TESC: variants seen among roughly 807,000 people sequenced by gnomAD.
The protein encoded by TESC is calcineurin B homologous protein 3.
Under a neutral mutation model 31.0 loss-of-function variants are expected in TESC, and 19 were observed. The observed-to-expected ratio is 0.61, with a 90% CI of 0.43 to 0.90. The LOEUF (loss-of-function observed/expected upper bound fraction) is 0.90, where lower values mean the gene tolerates loss of function less well. Ranked by LOEUF, TESC falls within the 40% of genes least tolerant of loss-of-function variation. The pLI is 0.00. For missense variants in TESC, 248 were observed against 303.8 expected, an observed-to-expected ratio of 0.82 and a Z score of 1.36; for synonymous variants, 109 against 114.8, an observed-to-expected ratio of 0.95 and a Z score of 0.32.
chr12:117,041,384 GTACAGTGGCGCAA>G lies in TESC; in HGVS notation c.567+550_567+562del, dbSNP rs567106289. On this transcript the variant is annotated intron_variant, in intron 7 of 7. Coordinates refer to ENST00000335209, the MANE Select transcript of TESC (RefSeq NM_017899.4). Reference sequence around the variant, plus strand: ...GTCTCACTCTATCACCCAGGATGGAGTACAGTGGCGCAATCTCAGCTTACTGCAACCTCTACCT... The same window carrying G: ...GTCTCACTCTATCACCCAGGATGGAGTCTCAGCTTACTGCAACCTCTACCT... Among the ~76,000 whole-genome samples, 946 of 152,102 alleles carry G rather than the reference GTACAGTGGCGCAA, an allele frequency of 6.2e-3. 12 individuals carry two copies. Among genetic ancestry groups the G allele is most frequent in the African/African-American group, 0.022 (904 of 41,462 alleles).
chr12:117,093,689 C>A (rs776444977), intron 1 of TESC, among the ~76,000 whole-genome samples: 5 of 152,200 alleles, frequency 3.3e-5, no homozygotes, highest in Non-Finnish European at 7.3e-5. Context: ...ACTGCGGATA[C>A]GCTGCCTGGC....
At chr12:117,047,194 C>G (rs562719590) in intron 4 of TESC, among the ~76,000 whole-genome samples, 1 of 152,236 alleles carries the variant, frequency 6.6e-6, no homozygotes, top group Non-Finnish European at 1.5e-5. Flanking sequence ...ACAAGTCAAA[C>G]GGTGTCGAGT....
chr12:117,060,102 C>G (rs1954781795), intron 2 of TESC, among the ~76,000 whole-genome samples: 1 of 152,084 alleles, frequency 6.6e-6, no homozygotes, highest in African/African-American at 2.4e-5. Context: ...CTGAGGTGCT[C>G]TAAAGTGGAC....
At chr12:117,088,680 CAAA>C (rs60089641) in intron 1 of TESC, among the ~76,000 whole-genome samples, 1 of 120,850 alleles carries the variant, frequency 8.3e-6, no homozygotes, top group Non-Finnish European at 1.8e-5. Flanking sequence ...GACTCTGTCT[CAAA>C]AAAAAAAAAA....
intron 4 of TESC, among the ~76,000 whole-genome samples, chr12:117,047,064 G>A (rs1304110581): frequency 6.6e-6 from 1 of 152,226 alleles, no homozygotes; most frequent in Non-Finnish European, 1.5e-5. Flanking sequence ...CTGTGAAATG[G>A]GAATAACAAC....
chr12:117,042,408 C>G (rs772102360), intron 6 of TESC, among the ~76,000 whole-genome samples: 1 of 152,214 alleles, frequency 6.6e-6, no homozygotes, highest in Non-Finnish European at 1.5e-5. Context: ...GCCTCCTGTA[C>G]CCGCCTAGGT....
At chr12:117,072,602 T>G (rs1471355176) in intron 2 of TESC, among the ~76,000 whole-genome samples, 1 of 152,192 alleles carries the variant, frequency 6.6e-6, no homozygotes, top group Admixed American at 6.5e-5. Flanking sequence ...GTTGGATGGA[T>G]CTAACATCAG....
chr12:117,051,284 G>A (rs950797768), intron 3 of TESC, among the ~76,000 whole-genome samples: 5 of 152,142 alleles, frequency 3.3e-5, no homozygotes, highest in African/African-American at 9.7e-5. Flanking sequence ...ACACCCATAC[G>A]ACAGCCTCTA....
At chr12:117,094,064 A>C (rs558386732) in intron 1 of TESC, among the ~76,000 whole-genome samples, 52 of 152,212 alleles carry the variant, frequency 3.4e-4, no homozygotes, top group African/African-American at 1.3e-3. Flanking sequence ...CACACCAGAC[A>C]CCACTTGGCT....
intron 2 of TESC, among the ~76,000 whole-genome samples, chr12:117,067,896 C>T (rs967699664): frequency 6.6e-6 from 1 of 152,028 alleles, no homozygotes; most frequent in Non-Finnish European, 1.5e-5. Context: ...CTCACAACCC[C>T]GTGCTTTTTT....
chr12:117,075,807 G>A (rs952792036), intron 1 of TESC, among the ~76,000 whole-genome samples: 2 of 142,870 alleles, frequency 1.4e-5, no homozygotes, highest in Non-Finnish European at 1.5e-5. Flanking sequence ...TGCAACTACA[G>A]GCAAGTGTCA....
intron 2 of TESC, among the ~76,000 whole-genome samples, chr12:117,058,854 G>A (rs897529850): frequency 6.6e-6 from 1 of 152,094 alleles, no homozygotes; most frequent in Non-Finnish European, 1.5e-5. Context: ...CCTAGAGGCT[G>A]CAGGTTTGCA....
At chr12:117,078,035 A>T (rs981190501) in intron 1 of TESC, among the ~76,000 whole-genome samples, 1 of 152,254 alleles carries the variant, frequency 6.6e-6, no homozygotes, top group Non-Finnish European at 1.5e-5. Flanking sequence ...AAAATTTTTT[A>T]AAATTGTAAT....
chr12:117,046,882 G>A, intron 4 of TESC, 44 bp from the exon 5 acceptor site: 2 of 1,540,548 alleles, frequency 1.3e-6, no homozygotes, highest in Non-Finnish European at 1.8e-6. Context: ...GGCGGGGCCT[G>A]GCCCCTGCCA....
At chr12:117,048,418 G>A (rs952766519) in intron 4 of TESC, among the ~76,000 whole-genome samples, 2 of 152,198 alleles carry the variant, frequency 1.3e-5, no homozygotes, top group African/African-American at 4.8e-5. Context: ...GACACAGAGG[G>A]ATGTCAGGAG....
At chr12:117,063,108 C>A (rs1362795960) in intron 2 of TESC, among the ~76,000 whole-genome samples, 2 of 152,208 alleles carry the variant, frequency 1.3e-5, no homozygotes, top group Non-Finnish European at 2.9e-5. Flanking sequence ...TAATCACCCC[C>A]ACATAATCAT....
intron 4 of TESC, chr12:117,048,689 TG>T (rs1954603074): frequency 5.9e-6 from 3 of 505,814 alleles, no homozygotes; most frequent in African/African-American, 5.8e-5. Context: ...ACCCACGTTC[TG>T]GGTCAAGGTT....
intron 6 of TESC, among the ~76,000 whole-genome samples, chr12:117,046,283 GGGTGGGGGATCAGGGGGCTATGCA>G (rs899805783): frequency 6.6e-5 from 10 of 152,362 alleles, no homozygotes; most frequent in Middle Eastern, 3.4e-3. Context: ...ACTGAGGCCG[GGGTGGGGGATCAGGGGGCTATGCA>G]GGTGGGGGCT....
chr12:117,074,834 A>G (rs961189634), intron 2 of TESC, among the ~76,000 whole-genome samples: 4 of 152,220 alleles, frequency 2.6e-5, no homozygotes, highest in Admixed American at 6.5e-5. Context: ...GTTTGGGAAC[A>G]TCTTGTCTTA....
Sources: gnomAD v4.1 joint callset for allele counts (sites outside exome capture counted in the v4.1 genomes callset) on GRCh38, gnomAD v4.1.1 for gene constraint, MANE v1.5 for transcripts, NCBI Gene and HGNC (gene_info 2026-07-23, HGNC 2026-07-21) for gene names.